Variants in THSD4 observed in about 807,000 individuals in gnomAD.
The protein encoded by THSD4 is thrombospondin type 1 domain containing 4.
Under a neutral mutation model 119.0 loss-of-function variants are expected in THSD4, and 69 were observed. The observed-to-expected ratio is 0.58, with a 90% CI of 0.48 to 0.71. The LOEUF is 0.71. THSD4 is among the 30% of genes least tolerant of loss of function. THSD4 has a pLI of 0.00. For missense variants in THSD4, 1,393 were observed against 1,391.1 expected (o/e 1.00, Z -0.02); for synonymous variants, 524 against 540.4 (o/e 0.97, Z 0.42).
intron 6 of THSD4, among the ~76,000 whole-genome samples, chr15:71,266,177 G>A (rs2044463936): frequency 6.6e-6 from 1 of 152,236 alleles, no homozygotes; most frequent in Admixed American, 6.5e-5. Context: ...ACACCTCTCA[G>A]CAGGGGTTGA....
chr15:71,630,120 C>A (rs1164068378), intron 7 of THSD4, among the ~76,000 whole-genome samples: 3 of 152,164 alleles, frequency 2.0e-5, no homozygotes, highest in African/African-American at 7.2e-5. Flanking sequence ...TGCTATCTAA[C>A]TACACTCTAA....
At chr15:71,679,107 A>G (rs746127952) in intron 8 of THSD4, among the ~76,000 whole-genome samples, 6 of 152,342 alleles carry the variant, frequency 3.9e-5, no homozygotes, top group African/African-American at 1.4e-4. Flanking sequence ...ACAATATATT[A>G]TGAAGAGAAA....
chr15:71,396,216 C>T (rs1221893474), intron 6 of THSD4, among the ~76,000 whole-genome samples: 1 of 151,956 alleles, frequency 6.6e-6, no homozygotes, highest in Non-Finnish European at 1.5e-5. Context: ...CTGATACACC[C>T]ACATATCTAT....
intron 7 of THSD4, among the ~76,000 whole-genome samples, chr15:71,648,948 T>C (rs570470825): frequency 2.2e-4 from 33 of 152,318 alleles, no homozygotes; most frequent in Non-Finnish European, 4.3e-4. Context: ...GTAACAAAAC[T>C]AGGGCTCAGA....
At chr15:71,178,096 C>T (rs2043466897) in intron 3 of THSD4, among the ~76,000 whole-genome samples, 1 of 56,644 alleles carries the variant, frequency 1.8e-5, no homozygotes, top group Non-Finnish European at 3.6e-5. Flanking sequence ...GGGATGCCCT[C>T]TCTCACTGCT....
chr15:71,353,821 A>G (rs1446482398), intron 6 of THSD4, among the ~76,000 whole-genome samples: 1 of 152,198 alleles, frequency 6.6e-6, no homozygotes, highest in Admixed American at 6.5e-5. Flanking sequence ...TGCCTCTGCC[A>G]TTTGCTGTTC....
In THSD4 at chr15:71,199,472, T is replaced by G. The variant is rs1409097064; in HGVS notation, c.100-15563T>G. On this transcript the variant is annotated intron_variant, in intron 3 of 17. Transcript: ENST00000261862. ...GTGTGTGGGGGGGGGTGTGTGTGTG[T>G]GGTGTGTGTGTGTGGGGTGTGTGTG... Among the ~76,000 whole-genome samples, 62 of 132,836 alleles carry G rather than the reference T, an allele frequency of 4.7e-4. 1 individual carries two copies. Among genetic ancestry groups the G allele is most frequent in the Admixed American group, 3.7e-3 (49 of 13,386 alleles). The allele number at this position is 132,836 out of a possible 152,430, so 87.1% of individuals were successfully genotyped here.
At chr15:71,644,551 G>T (rs529001087) in intron 7 of THSD4, among the ~76,000 whole-genome samples, 19 of 152,154 alleles carry the variant, frequency 1.2e-4, no homozygotes, top group Non-Finnish European at 1.9e-4. Context: ...GACTTTCACG[G>T]CCAGCTAGGT....
At chr15:71,674,315 G>A (rs941740660) in intron 8 of THSD4, among the ~76,000 whole-genome samples, 5 of 152,202 alleles carry the variant, frequency 3.3e-5, no homozygotes, top group Admixed American at 6.5e-5. Flanking sequence ...CAGCTGGGAT[G>A]CTCTTGGACA....
intron 7 of THSD4, among the ~76,000 whole-genome samples, chr15:71,583,158 A>G (rs1211619668): frequency 2.6e-5 from 4 of 152,118 alleles, no homozygotes; most frequent in Non-Finnish European, 4.4e-5. Context: ...AGTAGGTGGT[A>G]TATGTTTCAG....
intron 3 of THSD4, chr15:71,165,162 T>C (rs2043283839): frequency 5.0e-6 from 8 of 1,592,196 alleles, no homozygotes; most frequent in Non-Finnish European, 6.9e-6. Flanking sequence ...AACTTCTTTT[T>C]TGTCTCCCCT....
At chr15:71,675,275 A>G (rs1360730685) in intron 8 of THSD4, among the ~76,000 whole-genome samples, 3 of 152,218 alleles carry the variant, frequency 2.0e-5, no homozygotes, top group African/African-American at 7.2e-5. Context: ...GACAGAAAAA[A>G]AAGAAAAGCA....
intron 3 of THSD4, among the ~76,000 whole-genome samples, chr15:71,166,156 A>C (rs79491280): frequency 1.3e-3 from 197 of 152,122 alleles, no homozygotes; most frequent in African/African-American, 4.7e-3. Flanking sequence ...TTATTTCCCT[A>C]GGGAATAGGG....
chr15:71,313,594 C>A (rs1313962183), intron 6 of THSD4, among the ~76,000 whole-genome samples: 4 of 152,080 alleles, frequency 2.6e-5, no homozygotes, highest in African/African-American at 7.2e-5. Flanking sequence ...CACACGTTTA[C>A]CTATGTAAAA....
intron 6 of THSD4, among the ~76,000 whole-genome samples, chr15:71,369,900 C>T (rs563155962): frequency 7.4e-4 from 113 of 152,178 alleles, no homozygotes; most frequent in African/African-American, 2.4e-3. Flanking sequence ...GCTGTGAATC[C>T]GTCTGGTCCT....
At chr15:71,526,467 CTT>C (rs2048520268) in intron 7 of THSD4, among the ~76,000 whole-genome samples, 2 of 148,426 alleles carry the variant, frequency 1.3e-5, no homozygotes, top group African/African-American at 4.9e-5. Context: ...ATTGTGCTGT[CTT>C]TAGGTTTCGT....
At position 71,737,831 on chromosome 15, in the gene THSD4, C is replaced by A. The variant is rs758923279; in HGVS notation, c.1730C>A (p.Ala577Asp). 1.2e-6 allele frequency: 2 copies of A among 1,614,232 alleles called. No homozygotes were observed. The highest frequency in any genetic ancestry group is 3.3e-5 in the Admixed American group (2 of 60,034). The stretch of plus-strand genomic sequence containing the variant: ...GAGAAGGAAGACTTGCGTGGGGAGG[C>A]CCCTGAGATGTTCACCTCAGAATCG... ...NEEKEDLRGE[A>D]PEMFTSESAQ... is the part of the protein sequence containing the mutation. Residue 577 changes from alanine to aspartate, a missense_variant, in exon 11 of 18, where the codon GCC becomes GAC. Coordinates refer to ENST00000261862, the MANE Select transcript of THSD4 (RefSeq NM_024817.3).
intron 3 of THSD4, chr15:71,185,966 C>T (rs1213984289): frequency 1.3e-5 from 2 of 152,178 alleles, no homozygotes; most frequent in Non-Finnish European, 2.9e-5. Context: ...TGACAACCAA[C>T]GTTTGTTAAA....
rs10540241 is a variant in THSD4 at position 71,135,991 on chromosome 15, G to GTTTTT, written c.-79-5436_-79-5432dup. On this transcript the variant is annotated intron_variant, in intron 1 of 17. Coordinates refer to ENST00000261862, the MANE Select transcript of THSD4 (RefSeq NM_024817.3). ...GTCCTTTGGTTTTTTGTTTAGTTTA[G>GTTTTT]TTTTTTTTTTTTTTTTTTTTTTTTT... Among the ~76,000 whole-genome samples, 23 of 69,100 alleles carry GTTTTT rather than the reference G, an allele frequency of 3.3e-4. 3 individuals carry two copies. Among genetic ancestry groups the GTTTTT allele is most frequent in the African/African-American group, 8.6e-4 (17 of 19,856 alleles). 45.3% of individuals were successfully genotyped at this position (69,100 alleles called of 152,430 possible).
Sources: allele counts gnomAD v4.1 joint callset (sites outside exome capture counted in the v4.1 genomes callset), GRCh38; gene constraint gnomAD v4.1.1; transcripts MANE v1.5; gene names NCBI Gene and HGNC (gene_info 2026-07-23, HGNC 2026-07-21).